Variants in PLCB2 observed in about 807,000 individuals in gnomAD.
PLCB2 encodes 1-phosphatidylinositol 4,5-bisphosphate phosphodiesterase beta-2.
Under a neutral mutation model 141.7 loss-of-function variants are expected in PLCB2, and 115 were observed. That is an observed-to-expected ratio of 0.81 (90% CI 0.70 to 0.95). The LOEUF (loss-of-function observed/expected upper bound fraction) is 0.95. Ranked by LOEUF, PLCB2 falls within the 40% of genes least tolerant of loss-of-function variation. The probability of loss-of-function intolerance (pLI) is 0.00; values close to 1 mark genes in which losing one functional copy is unlikely to be tolerated. For synonymous variants in PLCB2, 603 were observed against 595.6 expected, an observed-to-expected ratio of 1.01 and a Z score of -0.18; for missense variants, 1,403 against 1,541.1, an observed-to-expected ratio of 0.91 and a Z score of 1.50.
Position 40,293,675 on chromosome 15 carries a change from T to A in PLCB2, c.2111A>T (p.Glu704Val). Residue 704 changes from glutamate (E) to valine (V), a missense_variant, in exon 20 of 32, where the codon GAA (glutamate) becomes GTA (valine). Physicochemically the swap from Glu to Val is moderately radical, Grantham distance 121 (BLOSUM62 -2). Coordinates refer to ENST00000260402, the MANE Select transcript of PLCB2 (RefSeq NM_004573.3). ...CCCAGGAAGGCCAAACAGCTCCACT[T>A]CTACATAGGTGCGCACGCTGCGTTC... is the stretch of plus-strand genomic sequence containing the variant. ...LSERSVRTYV[E>V]VELFGLPGDP... 6.2e-7 allele frequency: 1 copy of A among 1,614,084 alleles called. No homozygotes were observed. The highest frequency in any genetic ancestry group is 8.5e-7 in the Non-Finnish European group (1 of 1,179,972).
chr15:40,307,004 G>A (rs930793494), intron 1 of PLCB2, among the ~76,000 whole-genome samples: 5 of 152,210 alleles, frequency 3.3e-5, no homozygotes, highest in Admixed American at 1.3e-4. Context: ...GGCCTGCATC[G>A]GGGAGCAATG....
At position 40,288,183 on chromosome 15, in the gene PLCB2, G is replaced by A; in HGVS notation, c.*532C>T. On this transcript the variant is annotated 3_prime_UTR_variant, in exon 32 of 32. Coordinates refer to ENST00000260402, the MANE Select transcript of PLCB2 (RefSeq NM_004573.3). The stretch of plus-strand genomic sequence containing the variant: ...TCCGGACAGGCAGAGGGGAGGGGAG[G>A]GCCCTCAGCCAGGGAGTGGCCGTCC... The A allele has an allele frequency of 1.0e-6, 1 of 985,662 alleles. No homozygotes were observed. 61.1% of individuals were successfully genotyped at this position (985,662 alleles called of 1,614,324 possible). A position where few individuals can be genotyped will look rare whatever the true frequency, so the allele number is the denominator to read the frequency against.
intron 20 of PLCB2, 82 bp downstream of exon 20, chr15:40,293,478 A>G: frequency 7.3e-7 from 1 of 1,374,448 alleles, no homozygotes; most frequent in Non-Finnish European, 1.0e-6. Context: ...AAGGTCAAGG[A>G]GCTGCCTTGT....
rs767778461 is a variant in PLCB2 at position 40,306,071 on chromosome 15, CT to C, written c.84+1517del. On this transcript the variant is annotated intron_variant, in intron 1 of 31. Transcript: ENST00000260402. ...AATGTCTTGTGGCCTTGCAGAGTTT[CT>C]TTCCATGGCCAGGGGGAGAGCTTCT... 1.1e-3 allele frequency among the ~76,000 whole-genome samples: 160 copies of C among 152,248 alleles called. 1 individual carries two copies. The highest frequency in any genetic ancestry group is 4.3e-4 in the Non-Finnish European group (29 of 68,022).
downstream of PLCB2, chr15:40,284,667 C>T (rs1010824641): frequency 1.9e-5 from 8 of 415,388 alleles, no homozygotes; most frequent in Admixed American, 3.0e-5. Context: ...TGGTGAAACC[C>T]CGTCTCTACT....
downstream of PLCB2, among the ~76,000 whole-genome samples, chr15:40,284,746 A>G (rs1016753007): frequency 2.8e-5 from 4 of 144,162 alleles, no homozygotes; most frequent in African/African-American, 7.7e-5. Flanking sequence ...AGGCTGACGC[A>G]GGAGAATTGC....
In PLCB2 at chr15:40,289,484, T is replaced by C; in HGVS notation, c.3268-126A>G. The C allele has an allele frequency of 4.2e-6, 3 of 710,318 alleles. No homozygotes were observed. The South Asian group carries it at 4.8e-5, about 11-fold the overall frequency. 44.0% of individuals were successfully genotyped at this position (710,318 alleles called of 1,614,324 possible). A position where few individuals can be genotyped will look rare whatever the true frequency, so the allele number is the denominator to read the frequency against. On this transcript the variant is annotated intron_variant, in intron 30 of 31. Coordinates refer to ENST00000260402, the MANE Select transcript of PLCB2 (RefSeq NM_004573.3). ...AAATTCCTTAACATTAGGTAGTTTT[T>C]AAAATTTGTAAGATAAGGATAGCAG... is the stretch of plus-strand genomic sequence containing the variant.
At chr15:40,299,023 C>T (rs2040378405) in intron 8 of PLCB2, 59 bp from the exon 9 acceptor site, 4 of 1,584,308 alleles carry the variant, frequency 2.5e-6, no homozygotes, top group Non-Finnish European at 3.4e-6. Flanking sequence ...GCTTAGACAA[C>T]CCCCTTGTCC....
intron 7 of PLCB2, 166 bp downstream of exon 7, chr15:40,301,791 C>G (rs1434483354): frequency 7.1e-6 from 5 of 707,828 alleles, no homozygotes; most frequent in Non-Finnish European, 5.2e-6. Flanking sequence ...GGCTCCACCC[C>G]TGTGCCTAGT....
chr15:40,285,061 G>A (rs146715298), downstream of PLCB2, among the ~76,000 whole-genome samples: 1,091 of 152,166 alleles, frequency 7.2e-3, 6 homozygotes, highest in Non-Finnish European at 0.011. Context: ...ATAGATAGGC[G>A]TGGCAAAGTG....
intron 27 of PLCB2, 80 bp downstream of exon 27, chr15:40,290,938 C>A: frequency 1.0e-6 from 1 of 981,792 alleles, no homozygotes; most frequent in South Asian, 1.5e-5. Context: ...GGGGTTGGGT[C>A]GGTGAGAGGG....
At position 40,294,917 on chromosome 15, in the gene PLCB2, G is replaced by A. The variant is rs1250607658; in HGVS notation, c.1906+19C>T. 1.7e-5 allele frequency: 28 copies of A among 1,613,856 alleles called. No homozygotes were observed. The highest frequency in any genetic ancestry group is 2.3e-5 in the Non-Finnish European group (27 of 1,179,944). Reference sequence around the variant, plus strand: ...CAGGGACCAGGGAAGGATTCTTAGGGGCCTGGGAATGCCCTCACCCATCGT... The same window carrying A: ...CAGGGACCAGGGAAGGATTCTTAGGAGCCTGGGAATGCCCTCACCCATCGT... On this transcript the variant is annotated intron_variant, in intron 18 of 31. Coordinates refer to ENST00000260402, the MANE Select transcript of PLCB2 (RefSeq NM_004573.3).
At chr15:40,290,886 G>C (rs1294429865) in intron 27 of PLCB2, 49 bp from the exon 28 acceptor site, 1 of 1,515,708 alleles carries the variant, frequency 6.6e-7, no homozygotes, top group African/African-American at 1.4e-5. Context: ...GTTGTTCAGA[G>C]GGAGTACGGG....
rs1460258052 is a variant in PLCB2, at chr15:40,291,995, T to G, written c.2526+69A>C. 6 of 1,603,342 alleles carry G rather than the reference T, an allele frequency of 3.7e-6. No homozygotes were observed. In the Admixed American group the frequency reaches 1.0e-4, roughly 27 times the overall value. ...TCCCCGAGCCTGGGACTCGGCCCTC[T>G]CCCCAGCCTCTCCCATAAATAGGGC... is the stretch of plus-strand genomic sequence containing the variant. On this transcript the variant is annotated intron_variant, in intron 23 of 31. Coordinates refer to ENST00000260402, the MANE Select transcript of PLCB2 (RefSeq NM_004573.3).
Position 40,304,066 on chromosome 15 carries a change from C to A in PLCB2, c.97G>T (p.Ala33Ser). ...TCCACACGGAGGATAACTGGAGAGG[C>A]AACTGTAGTTTCCTGCAGAGAGAAG... ...FIKWDDETTV[A>S]SPVILRVDPK... Residue 33 changes from alanine to serine, a missense_variant, in exon 2 of 32, where the codon GCC becomes TCC. Around this residue, in one of 4 missense-constraint regions of PLCB2, gnomAD observed 975 missense variants for 1,141.1 expected, o/e 0.85. Coordinates refer to ENST00000260402, the MANE Select transcript of PLCB2 (RefSeq NM_004573.3). 6.3e-7 allele frequency: 1 copy of A among 1,597,988 alleles called. No individual in the cohort carries two copies. The highest frequency in any genetic ancestry group is 8.5e-7 in the Non-Finnish European group (1 of 1,172,042).
Position 40,291,322 on chromosome 15 carries a change from C to G in PLCB2, c.2813G>C (p.Gly938Ala), listed in dbSNP as rs754922658. 6.5e-7 allele frequency: 1 copy of G among 1,537,140 alleles called. No homozygotes were observed. Among genetic ancestry groups the G allele is most frequent in the Non-Finnish European group, 8.7e-7 (1 of 1,149,668 alleles). The change falls in exon 26 of 32, where the codon GGC (glycine) becomes GCC (alanine). Residue 938 changes from glycine to alanine, a missense_variant. Physicochemically the swap from Gly to Ala is moderately conservative, Grantham distance 60 (BLOSUM62 0). This residue lies in a region of PLCB2 where 290 missense variants were observed against 245.9 expected (regional missense o/e 1.18). Coordinates refer to ENST00000260402, the MANE Select transcript of PLCB2 (RefSeq NM_004573.3). Reference protein sequence around the residue: ...AAQLAELGPPGVGGVGACKLG... With the variant: ...AAQLAELGPPAVGGVGACKLG... ...CTTGCAGGCCCCGACGCCCCCCACG[C>G]CCGGTGGCCCGAGCTCCGCCAGCTG...
intron 19 of PLCB2, 84 bp from the exon 20 acceptor site, chr15:40,293,808 G>A (rs1247122246): frequency 2.2e-6 from 3 of 1,394,896 alleles, no homozygotes; most frequent in Non-Finnish European, 3.0e-6. Context: ...GCTGCCTAGA[G>A]CTGAAGCATT....
rs2039843227 is a variant in PLCB2 at position 40,290,689 on chromosome 15, A to C, written c.3114-17T>G. 3 of 1,613,138 alleles carry C rather than the reference A, an allele frequency of 1.9e-6. No individual in the cohort carries two copies. The highest frequency in any genetic ancestry group is 2.5e-6 in the Non-Finnish European group (3 of 1,179,244). ...TTGGTGTCGCTGCAGAGAGACAGGC[A>C]TGAAGGAGCTGTTTTGTGCGGCTGA... On this transcript the variant is annotated splice_polypyrimidine_tract_variant and intron_variant, in intron 28 of 31. Coordinates refer to ENST00000260402, the MANE Select transcript of PLCB2 (RefSeq NM_004573.3).
intron 3 of PLCB2, 71 bp from the exon 4 acceptor site, chr15:40,302,680 C>T: frequency 1.3e-6 from 2 of 1,556,782 alleles, no homozygotes; most frequent in Non-Finnish European, 1.8e-6. Context: ...CTCTCTGGCC[C>T]TCCCCTCAGC....
Sources: allele counts gnomAD v4.1 joint callset (sites outside exome capture counted in the v4.1 genomes callset), GRCh38; gene constraint gnomAD v4.1.1; regional missense constraint gnomAD v4.1.1; transcripts MANE v1.5; gene names NCBI Gene and HGNC (gene_info 2026-07-23, HGNC 2026-07-21).